Variants in CD59 observed in about 807,000 individuals in gnomAD.
CD59 encodes CD59 molecule (CD59 blood group), also known as CD59 glycoprotein.
A neutral mutation model predicts 7.0 loss-of-function variants in CD59; 3 were observed. That is an observed-to-expected ratio of 0.43 (90% CI 0.19 to 1.10). CD59 has a LOEUF of 1.10. CD59 is among the 50% of genes least tolerant of loss of function. The pLI, the probability that CD59 is intolerant of heterozygous loss-of-function variation, is 0.29. For synonymous variants in CD59, 60 were observed against 62.0 expected, an observed-to-expected ratio of 0.97 and a Z score of 0.15; for missense variants, 143 against 151.0, an observed-to-expected ratio of 0.95 and a Z score of 0.28.
chr11:33,711,973 A>T (rs1300180157), intron 3 of CD59, among the ~76,000 whole-genome samples: 1 of 152,212 alleles, frequency 6.6e-6, no homozygotes. Context: ...TTAAAGATAG[A>T]GTTATCCATT....
intron 1 of CD59, among the ~76,000 whole-genome samples, chr11:33,725,285 G>GA (rs35899420): frequency 0.041 from 3,544 of 86,440 alleles, 57 homozygotes; most frequent in Middle Eastern, 0.058. Context: ...CCATTTTAAG[G>GA]AAAAAAAAAA....
At chr11:33,713,697 G>T (rs751455203) in intron 3 of CD59, among the ~76,000 whole-genome samples, 1 of 152,306 alleles carries the variant, frequency 6.6e-6, no homozygotes, top group Admixed American at 6.5e-5. Flanking sequence ...TAGAAGCTTG[G>T]GGAGAACAGA....
At chr11:33,724,093 A>C (rs1480885661) in intron 1 of CD59, among the ~76,000 whole-genome samples, 1 of 152,208 alleles carries the variant, frequency 6.6e-6, no homozygotes, top group Non-Finnish European at 1.5e-5. Flanking sequence ...TGGGTGACAC[A>C]GCAAGGTCCT....
rs1174843452 is a variant in CD59 at position 33,722,081 on chromosome 11, A to G, written c.67+298T>C. ...GCACAGCACTCTAAGAATGGTATCCATTGGTGTCCCCAAGCAGCTTATGGT... is the reference window on the plus strand; with the variant it reads ...GCACAGCACTCTAAGAATGGTATCCGTTGGTGTCCCCAAGCAGCTTATGGT... On this transcript the variant is annotated intron_variant, in intron 2 of 3. Transcript: ENST00000642928. Among the ~76,000 whole-genome samples, 5 of 152,102 alleles carry G rather than the reference A, an allele frequency of 3.3e-5. No individual in the cohort carries two copies. In the South Asian group the frequency reaches 1.0e-3, roughly 31 times the overall value.
At chr11:33,710,931 A>G (rs1192378032) in intron 3 of CD59, among the ~76,000 whole-genome samples, 1 of 151,948 alleles carries the variant, frequency 6.6e-6, no homozygotes, top group Non-Finnish European at 1.5e-5. Flanking sequence ...TAATTTTTAA[A>G]AAGTGTTAAA....
chr11:33,728,276 C>T (rs1402610043), intron 1 of CD59, among the ~76,000 whole-genome samples: 1 of 152,156 alleles, frequency 6.6e-6, no homozygotes, highest in Non-Finnish European at 1.5e-5. Context: ...AACTATACTA[C>T]AAGGCTACAG....
intron 3 of CD59, among the ~76,000 whole-genome samples, chr11:33,716,397 A>G (rs1853792185): frequency 6.6e-6 from 1 of 152,162 alleles, no homozygotes; most frequent in African/African-American, 2.4e-5. Flanking sequence ...TGATGTTGAC[A>G]CTGGGGGGAG....
At chr11:33,722,109 C>T (rs1461644437) in intron 2 of CD59, among the ~76,000 whole-genome samples, 4 of 152,104 alleles carry the variant, frequency 2.6e-5, no homozygotes, top group Non-Finnish European at 4.4e-5. Flanking sequence ...CTTATGGTGA[C>T]AGGAGTGAAA....
rs1008424201 is a variant in CD59 at position 33,708,636 on chromosome 11, G to C, written c.*1490C>G. ...AAAAAAACCTATTGATGTAAGGAAA[G>C]ACACTGAGCTAACAGAGAACACAGA... On this transcript the variant is annotated 3_prime_UTR_variant, in exon 4 of 4. Transcript: ENST00000642928. The C allele has an allele frequency of 6.7e-6, 1 of 149,668 alleles. No individual in the cohort carries two copies. The highest frequency in any genetic ancestry group is 1.5e-5 in the Non-Finnish European group (1 of 67,708). The allele number at this position is 149,668 out of a possible 1,614,324, so 9.3% of individuals were successfully genotyped here.
intron 1 of CD59, among the ~76,000 whole-genome samples, chr11:33,725,755 G>GTA (rs1415185469): frequency 3.3e-5 from 5 of 152,142 alleles, no homozygotes; most frequent in Non-Finnish European, 7.3e-5. Flanking sequence ...AAGGAAATGA[G>GTA]TATACTATGG....
rs1853285717 is a variant in CD59 at position 33,705,797 on chromosome 11, A to T, written c.*4329T>A. 2 of 152,272 alleles carry T rather than the reference A, an allele frequency of 1.3e-5. No individual in the cohort carries two copies. The highest frequency in any genetic ancestry group is 4.1e-4 in the South Asian group (2 of 4,830). The allele number at this position is 152,272 out of a possible 1,614,324, so 9.4% of individuals were successfully genotyped here. On this transcript the variant is annotated 3_prime_UTR_variant, in exon 4 of 4. Transcript: ENST00000642928. ...CTGTCCCTCTGGAGAACCCTAATAC[A>T]TGAATTATAACTCTAAGTTTCAGTT...
At chr11:33,714,620 T>C (rs908579598) in intron 3 of CD59, among the ~76,000 whole-genome samples, 1 of 152,236 alleles carries the variant, frequency 6.6e-6, no homozygotes, top group Non-Finnish European at 1.5e-5. Context: ...GTTTTTACCT[T>C]TGTAATAAAA....
rs1383691372 is a variant in CD59 at position 33,708,626 on chromosome 11, T to C, written c.*1500A>G. 6.7e-6 allele frequency: 1 copy of C among 149,016 alleles called. No homozygotes were observed. The highest frequency in any genetic ancestry group is 6.7e-5 in the Admixed American group (1 of 14,948). The allele number at this position is 149,016 out of a possible 1,614,324, so 9.2% of individuals were successfully genotyped here. The stretch of plus-strand genomic sequence containing the variant: ...AAAAAAAAAAAAAAAAACCTATTGA[T>C]GTAAGGAAAGACACTGAGCTAACAG... On this transcript the variant is annotated 3_prime_UTR_variant, in exon 4 of 4. Coordinates refer to ENST00000642928, the MANE Select transcript of CD59 (RefSeq NM_000611.6).
At chr11:33,723,854 G>A (rs750986682) in intron 1 of CD59, among the ~76,000 whole-genome samples, 11 of 152,268 alleles carry the variant, frequency 7.2e-5, no homozygotes, top group East Asian at 3.9e-4. Context: ...TGAGGTCCCC[G>A]AACAGAGAGC....
chr11:33,721,142 A>T (rs1322721256), intron 2 of CD59, among the ~76,000 whole-genome samples: 1 of 152,206 alleles, frequency 6.6e-6, no homozygotes, highest in African/African-American at 2.4e-5. Context: ...TTATAGAAAA[A>T]ATATAGTGTT....
chr11:33,734,678 C>T (rs1197318332), intron 1 of CD59, among the ~76,000 whole-genome samples: 1 of 152,252 alleles, frequency 6.6e-6, no homozygotes, highest in Non-Finnish European at 1.5e-5. Context: ...ACGGCCCCTC[C>T]CGTGTTAAGT....
At chr11:33,715,329 G>C (rs1245113078) in intron 3 of CD59, among the ~76,000 whole-genome samples, 1 of 152,166 alleles carries the variant, frequency 6.6e-6, no homozygotes, top group Non-Finnish European at 1.5e-5. Context: ...GCTGGGCGTG[G>C]TAGCTCACGC....
Position 33,715,617 on chromosome 11 carries a change from C to A in CD59, c.169+1753G>T, listed in dbSNP as rs182805796. 6.1e-3 allele frequency among the ~76,000 whole-genome samples: 928 copies of A among 151,926 alleles called. 9 individuals are homozygous for A. Among genetic ancestry groups the A allele is most frequent in the African/African-American group, 0.021 (855 of 41,416 alleles). On this transcript the variant is annotated intron_variant, in intron 3 of 3. Coordinates refer to ENST00000642928, the MANE Select transcript of CD59 (RefSeq NM_000611.6). Reference sequence around the variant, plus strand: ...CTTGTCTCAAAAAAGAAAAAAAAAACCAGAAAAACAAAGTTCCCATTGTTC... The same window carrying A: ...CTTGTCTCAAAAAAGAAAAAAAAAAACAGAAAAACAAAGTTCCCATTGTTC...
intron 2 of CD59, chr11:33,719,068 G>A (rs1853931581): frequency 1.3e-5 from 2 of 152,246 alleles, no homozygotes; most frequent in Non-Finnish European, 2.9e-5. Context: ...TAAACCAAGT[G>A]TGGGTTTTAG....
Sources: gnomAD v4.1 joint callset for allele counts (sites outside exome capture counted in the v4.1 genomes callset) on GRCh38, gnomAD v4.1.1 for gene constraint, MANE v1.5 for transcripts, NCBI Gene and HGNC (gene_info 2026-07-23, HGNC 2026-07-21) for gene names.